The following ZFHX3 variants were observed in gnomAD, a reference collection of about 807,000 sequenced individuals.
ZFHX3 encodes the protein zinc finger homeobox 3, also known as zinc finger homeobox protein 3.
ZFHX3 carries 42 observed loss-of-function variants against 279.1 expected under a neutral mutation model. The ratio of observed to expected loss-of-function variants is 0.15; its 90% confidence interval spans 0.12 to 0.19. ZFHX3 has a LOEUF of 0.19. Among genes scored for constraint, ZFHX3 ranks in the 10% least tolerant of loss-of-function variants. The pLI is 1.00. For missense variants in ZFHX3, 4,981 were observed against 4,754.0 expected, an observed-to-expected ratio of 1.05 and a Z score of -1.40; for synonymous variants, 2,293 against 1,957.8, an observed-to-expected ratio of 1.17 and a Z score of -4.52.
At chr16:73,190,501 T>C (rs192478180) in intron 5 of ZFHX3, among the ~76,000 whole-genome samples, 11 of 152,364 alleles carry the variant, frequency 7.2e-5, no homozygotes, top group Admixed American at 2.6e-4. Context: ...TAATGATTGC[T>C]TGCATCATAG....
chr16:73,021,175 G>T (rs1964284529), intron 1 of ZFHX3, among the ~76,000 whole-genome samples: 3 of 152,162 alleles, frequency 2.0e-5, no homozygotes, highest in African/African-American at 7.2e-5. Context: ...ACATATAGTG[G>T]CTCAATAAAA....
intron 4 of ZFHX3, among the ~76,000 whole-genome samples, chr16:72,869,245 A>G (rs1320111480): frequency 6.6e-6 from 1 of 152,204 alleles, no homozygotes; most frequent in Non-Finnish European, 1.5e-5. Context: ...CTGGCCCTGG[A>G]GCCTTCACTT....
At chr16:73,283,073 G>A (rs980981558) in intron 4 of ZFHX3, among the ~76,000 whole-genome samples, 2 of 152,170 alleles carry the variant, frequency 1.3e-5, no homozygotes, top group Non-Finnish European at 2.9e-5. Flanking sequence ...AGTATTTTGG[G>A]TTTGTGAACT....
chr16:73,531,288 C>T (rs902989078), intron 2 of ZFHX3, among the ~76,000 whole-genome samples: 11 of 152,208 alleles, frequency 7.2e-5, no homozygotes, highest in African/African-American at 2.7e-4. Flanking sequence ...AGGTCAACGT[C>T]TTTTGCTATT....
intron 4 of ZFHX3, among the ~76,000 whole-genome samples, chr16:72,885,493 G>T (rs912854915): frequency 3.3e-5 from 5 of 152,232 alleles, no homozygotes. Context: ...ATGATGAACT[G>T]GACCGACTGG....
intron 5 of ZFHX3, among the ~76,000 whole-genome samples, chr16:73,148,691 A>C (rs1567402729): frequency 6.6e-6 from 1 of 150,662 alleles, no homozygotes; most frequent in South Asian, 2.1e-4. Context: ...TCACGTCTAT[A>C]ATCTCAGCAC....
chr16:73,747,926 T>C (rs138770598), intron 1 of ZFHX3, among the ~76,000 whole-genome samples: 8 of 152,342 alleles, frequency 5.3e-5, no homozygotes, highest in African/African-American at 1.9e-4. Flanking sequence ...ATCAAAGATC[T>C]ATACCCTCGC....
At chr16:72,916,283 G>GT (rs1319036417) in intron 3 of ZFHX3, among the ~76,000 whole-genome samples, 2 of 152,074 alleles carry the variant, frequency 1.3e-5, no homozygotes, top group African/African-American at 4.8e-5. Flanking sequence ...ATTTGATTTT[G>GT]TATCTCATGA....
intron 5 of ZFHX3, among the ~76,000 whole-genome samples, chr16:73,220,841 A>G (rs992019853): frequency 2.0e-5 from 3 of 152,082 alleles, no homozygotes; most frequent in African/African-American, 7.2e-5. Flanking sequence ...TAATTTTCAT[A>G]AGGATGCTCT....
intron 2 of ZFHX3, among the ~76,000 whole-genome samples, chr16:73,478,478 T>C (rs552334239): frequency 6.6e-6 from 1 of 152,080 alleles, no homozygotes; most frequent in Non-Finnish European, 1.5e-5. Context: ...ACATCCAAAG[T>C]GGACAAGATG....
intron 1 of ZFHX3, among the ~76,000 whole-genome samples, chr16:73,784,791 AAAAAAATATAT>A (rs1366920801): frequency 1.7e-5 from 2 of 114,490 alleles, no homozygotes; most frequent in African/African-American, 7.0e-5. Flanking sequence ...CAAAATAAAA[AAAAAAATATAT>A]ATATATATAT....
At chr16:72,911,601 G>C (rs927996788) in intron 3 of ZFHX3, among the ~76,000 whole-genome samples, 1 of 152,142 alleles carries the variant, frequency 6.6e-6, no homozygotes, top group Non-Finnish European at 1.5e-5. Flanking sequence ...GCAGATAAAA[G>C]ATCATTCACA....
chr16:73,881,285 A>G (rs776274007), intron 1 of ZFHX3, among the ~76,000 whole-genome samples: 15 of 152,190 alleles, frequency 9.9e-5, no homozygotes, highest in Non-Finnish European at 1.6e-4. Flanking sequence ...CCCACTGGAA[A>G]GAATTCGGTC....
chr16:73,537,672 G>A (rs564784058), intron 2 of ZFHX3, among the ~76,000 whole-genome samples: 44 of 152,336 alleles, frequency 2.9e-4, no homozygotes, highest in East Asian at 3.9e-4. Flanking sequence ...ATGGGAAGGC[G>A]AAGCCTGAGG....
At chr16:73,816,149 G>A (rs572785803) in intron 1 of ZFHX3, 6 of 152,234 alleles carry the variant, frequency 3.9e-5, no homozygotes, top group South Asian at 2.1e-4. Flanking sequence ...ATATACATAC[G>A]TGCATTGGTG....
At chr16:73,222,396 A>G (rs923081152) in intron 5 of ZFHX3, among the ~76,000 whole-genome samples, 2 of 152,156 alleles carry the variant, frequency 1.3e-5, no homozygotes. Context: ...CTTAATATAC[A>G]AAACTCAATC....
chr16:73,286,723 G>A (rs1362732889), intron 4 of ZFHX3, among the ~76,000 whole-genome samples: 1 of 150,982 alleles, frequency 6.6e-6, no homozygotes, highest in Non-Finnish European at 1.5e-5. Flanking sequence ...GGGTTCATGT[G>A]TGGCTGTGTG....
chr16:73,125,532 C>G (rs1397858148), intron 7 of ZFHX3, among the ~76,000 whole-genome samples: 2 of 152,102 alleles, frequency 1.3e-5, no homozygotes, highest in South Asian at 2.1e-4. Context: ...CCACCCTTAA[C>G]CTGGGTGGGC....
In ZFHX3 at chr16:72,801,403, G is replaced by A. The variant is rs545426587; in HGVS notation, c.3865-1274C>T. On this transcript the variant is annotated intron_variant, in intron 7 of 9. Transcript: ENST00000268489. ...TACTATTAATTTTTAATGGTGTGAC[G>A]ATCCCAGCCTTGCTCAAAATAGCTA... Among the ~76,000 whole-genome samples, 32 of 152,126 alleles carry A rather than the reference G, an allele frequency of 2.1e-4. No homozygotes were observed. The South Asian group carries it at 3.5e-3, about 17-fold the overall frequency.
Sources: gnomAD v4.1 joint callset for allele counts (sites outside exome capture counted in the v4.1 genomes callset) on GRCh38, gnomAD v4.1.1 for gene constraint, MANE v1.5 for transcripts, NCBI Gene and HGNC (gene_info 2026-07-23, HGNC 2026-07-21) for gene names.